INSC: variants seen among roughly 807,000 people sequenced by gnomAD.
INSC encodes the protein protein inscuteable homolog.
Under a neutral mutation model 58.6 loss-of-function variants are expected in INSC, and 67 were observed. The ratio of observed to expected loss-of-function variants is 1.14; its 90% CI spans 0.94 to 1.40. The LOEUF is 1.40. INSC is among the 40% of genes most tolerant of loss of function. INSC has a pLI of 0.00. For missense variants in INSC, 714 were observed against 692.0 expected (o/e 1.03, Z -0.36); for synonymous variants, 262 against 276.1 (o/e 0.95, Z 0.51).
At chr11:15,192,021 G>C (rs1352965325) in intron 6 of INSC, among the ~76,000 whole-genome samples, 1 of 152,186 alleles carries the variant, frequency 6.6e-6, no homozygotes. Context: ...AAAATGCAAG[G>C]ATTTGCTCAA....
At chr11:15,213,768 A>G (rs910647899) in intron 7 of INSC, among the ~76,000 whole-genome samples, 1 of 152,206 alleles carries the variant, frequency 6.6e-6, no homozygotes, top group Non-Finnish European at 1.5e-5. Context: ...TCCATATTAC[A>G]TATGAATATT....
Position 15,180,262 on chromosome 11 carries a change from AAAAC to A in INSC, c.579+1823_579+1826del, listed in dbSNP as rs549549687. 1.3e-4 allele frequency among the ~76,000 whole-genome samples: 19 copies of A among 151,880 alleles called. No individual in the cohort carries two copies. In the South Asian group the frequency reaches 3.5e-3, roughly 28 times the overall value. On this transcript the variant is annotated intron_variant, in intron 5 of 12. Transcript: ENST00000379556. ...AACAGAGTGAGACTCCGTCTCAAAA[AAAAC>A]AAACAAAACAAAACAAACAAACAAA...
intron 1 of INSC, among the ~76,000 whole-genome samples, chr11:15,135,254 T>C (rs1012617963): frequency 2.0e-5 from 3 of 152,230 alleles, no homozygotes; most frequent in Non-Finnish European, 2.9e-5. Context: ...TACTCTGTGT[T>C]AGACACTGTG....
chr11:15,178,298 C>T (rs1317074014), intron 4 of INSC, 26 bp from the exon 5 acceptor site: 4 of 1,613,088 alleles, frequency 2.5e-6, no homozygotes, highest in Non-Finnish European at 2.5e-6. Flanking sequence ...TTTCCAGTGG[C>T]CCACCCCATG....
Position 15,200,877 on chromosome 11 carries a change from C to G in INSC, c.747C>G (p.Cys249Trp), listed in dbSNP as rs561086067. Residue 249 changes from cysteine (C) to tryptophan (W), a missense_variant, in exon 7 of 13, where the codon TGC becomes TGG. Physicochemically the swap from Cys to Trp is radical, Grantham distance 215. Transcript: ENST00000379556. ...FKVCRQDSFR[C>W]LYPQALRTLA... Reference sequence around the variant, plus strand: ...TTTGCCGGCAGGACAGTTTCCGGTGCTTGTACCCCCAGGCGCTCCGCACGC... The same window carrying G: ...TTTGCCGGCAGGACAGTTTCCGGTGGTTGTACCCCCAGGCGCTCCGCACGC... 1.2e-6 allele frequency: 2 copies of G among 1,613,984 alleles called. No individual in the cohort carries two copies. Among genetic ancestry groups the G allele is most frequent in the South Asian group, 1.1e-5 (1 of 91,072 alleles).
chr11:15,144,927 G>A (rs1365227640), intron 1 of INSC, among the ~76,000 whole-genome samples: 1 of 152,182 alleles, frequency 6.6e-6, no homozygotes, highest in Admixed American at 6.5e-5. Flanking sequence ...AGTCACTTCT[G>A]GTGGGAGCTA....
intron 2 of INSC, among the ~76,000 whole-genome samples, chr11:15,155,768 G>T (rs1017203342): frequency 7.2e-5 from 11 of 152,270 alleles, no homozygotes; most frequent in African/African-American, 1.7e-4. Context: ...TAAATGAAAA[G>T]AAATTAAAAT....
At chr11:15,210,477 T>G (rs1395429598) in intron 7 of INSC, among the ~76,000 whole-genome samples, 2 of 148,006 alleles carry the variant, frequency 1.4e-5, no homozygotes, top group Non-Finnish European at 3.0e-5. Context: ...GCCTGTGAAT[T>G]CTTAGATGGA....
In INSC at chr11:15,204,861, T is replaced by C. The variant is rs375585017; in HGVS notation, c.819+3912T>C. On this transcript the variant is annotated intron_variant, in intron 7 of 12. Coordinates refer to ENST00000379556, the MANE Select transcript of INSC (RefSeq NM_001042536.3). ...GTGAAATTCGTCTCTGTTGTGCAGC[T>C]TCCCCCTCCTTTCCTTCAACCGTGA... 1.2e-3 allele frequency among the ~76,000 whole-genome samples: 190 copies of C among 152,330 alleles called. 4 individuals are homozygous for C. The South Asian group carries it at 0.039, about 31-fold the overall frequency.
intron 1 of INSC, among the ~76,000 whole-genome samples, chr11:15,116,488 A>G (rs1184191977): frequency 6.6e-6 from 1 of 151,972 alleles, no homozygotes; most frequent in Admixed American, 6.5e-5. Flanking sequence ...AATCTTCTCC[A>G]TGACCTCCTC....
chr11:15,177,907 G>C (rs1024230525), intron 4 of INSC, among the ~76,000 whole-genome samples: 3 of 152,090 alleles, frequency 2.0e-5, no homozygotes, highest in Admixed American at 1.3e-4. Context: ...TTCTTAAAGG[G>C]CCACAGGCAT....
At chr11:15,139,438 A>C (rs906170728) in intron 1 of INSC, among the ~76,000 whole-genome samples, 9 of 152,242 alleles carry the variant, frequency 5.9e-5, no homozygotes, top group African/African-American at 1.9e-4. Context: ...GAAAAGTTAG[A>C]AAGTAAGAAG....
intron 2 of INSC, among the ~76,000 whole-genome samples, chr11:15,152,787 C>G (rs1224953040): frequency 1.3e-5 from 2 of 152,164 alleles, no homozygotes; most frequent in Non-Finnish European, 2.9e-5. Context: ...AATGATACTC[C>G]CAGCAGCTGG....
At chr11:15,159,823 C>G (rs918902145) in intron 2 of INSC, among the ~76,000 whole-genome samples, 1 of 152,190 alleles carries the variant, frequency 6.6e-6, no homozygotes, top group East Asian at 1.9e-4. Context: ...ACATGTGAAT[C>G]AATCCACATG....
chr11:15,150,656 G>A (rs971296878), intron 2 of INSC, among the ~76,000 whole-genome samples: 1 of 152,194 alleles, frequency 6.6e-6, no homozygotes, highest in Non-Finnish European at 1.5e-5. Flanking sequence ...GAGGTCAGGA[G>A]CAACAGCCTC....
At chr11:15,154,492 A>C (rs554176421) in intron 2 of INSC, among the ~76,000 whole-genome samples, 1 of 152,336 alleles carries the variant, frequency 6.6e-6, no homozygotes, top group South Asian at 2.1e-4. Flanking sequence ...CAGAGAGTTG[A>C]AGAGGCTTTG....
chr11:15,190,978 A>ATTTTTTTT (rs5789865), intron 6 of INSC, among the ~76,000 whole-genome samples, 164 bp downstream of exon 6: 1 of 128,660 alleles, frequency 7.8e-6, no homozygotes, highest in African/African-American at 3.0e-5. Context: ...TGGTGTGTGC[A>ATTTTTTTT]TTTTTTTTTT....
chr11:15,216,086 G>C (rs544261315), intron 7 of INSC, among the ~76,000 whole-genome samples: 3 of 152,344 alleles, frequency 2.0e-5, no homozygotes, highest in African/African-American at 7.2e-5. Flanking sequence ...GGCAACTTGG[G>C]TTTGGGTGCC....
intron 2 of INSC, among the ~76,000 whole-genome samples, chr11:15,173,261 A>G (rs1849462853): frequency 6.6e-6 from 1 of 152,336 alleles, no homozygotes; most frequent in South Asian, 2.1e-4. Flanking sequence ...ATGCAGCAAG[A>G]TGTGTATATA....
Sources: allele counts gnomAD v4.1 joint callset (sites outside exome capture counted in the v4.1 genomes callset), GRCh38; gene constraint gnomAD v4.1.1; transcripts MANE v1.5; gene names NCBI Gene and HGNC (gene_info 2026-07-23, HGNC 2026-07-21).